SORCS1: variants seen among roughly 807,000 people sequenced by gnomAD.
The protein encoded by SORCS1 is VPS10 domain-containing receptor SorCS1.
A neutral mutation model predicts 146.1 loss-of-function variants in SORCS1; 60 were observed. The observed-to-expected ratio is 0.41, with a 90% CI of 0.33 to 0.51. SORCS1 has a LOEUF of 0.51. Among genes scored for constraint, SORCS1 ranks in the 20% least tolerant of loss-of-function variants. The probability of loss-of-function intolerance (pLI) is 0.21; values close to 1 mark genes in which losing one functional copy is unlikely to be tolerated. For synonymous variants in SORCS1, 637 were observed against 584.0 expected, an observed-to-expected ratio of 1.09 and a Z score of -1.31; for missense variants, 1,352 against 1,487.6, an observed-to-expected ratio of 0.91 and a Z score of 1.50.
chr10:106,786,314 G>C (rs538421239), intron 3 of SORCS1, among the ~76,000 whole-genome samples: 1 of 152,310 alleles, frequency 6.6e-6, no homozygotes, highest in East Asian at 1.9e-4. Context: ...GGTGGCCAGA[G>C]TTGGATATTT....
At chr10:106,746,802 C>T (rs574199702) in intron 5 of SORCS1, among the ~76,000 whole-genome samples, 1 of 152,196 alleles carries the variant, frequency 6.6e-6, no homozygotes, top group Non-Finnish European at 1.5e-5. Context: ...AAATGTGAGG[C>T]TTGTGCCTGA....
chr10:106,945,723 T>G (rs1012066052), intron 2 of SORCS1, among the ~76,000 whole-genome samples: 1 of 152,246 alleles, frequency 6.6e-6, no homozygotes, highest in African/African-American at 2.4e-5. Context: ...CTCAGGACAG[T>G]GTTTGCTTTC....
chr10:106,847,535 G>A (rs1949350399), intron 2 of SORCS1, among the ~76,000 whole-genome samples: 2 of 23,358 alleles, frequency 8.6e-5, no homozygotes, highest in Non-Finnish European at 2.0e-4. Context: ...CAAAAAACCA[G>A]CTCCTGGATT....
At chr10:106,998,634 TAAGAG>T (rs1957091868) in intron 1 of SORCS1, among the ~76,000 whole-genome samples, 1 of 152,262 alleles carries the variant, frequency 6.6e-6, no homozygotes, top group South Asian at 2.1e-4. Flanking sequence ...TTTTTTACAT[TAAGAG>T]AAGGGCAGAA....
At chr10:106,933,645 C>T (rs974987389) in intron 2 of SORCS1, among the ~76,000 whole-genome samples, 46 of 152,166 alleles carry the variant, frequency 3.0e-4, no homozygotes, top group African/African-American at 1.1e-3. Context: ...GATGCCCCCC[C>T]ACCCCCAGCT....
At chr10:106,769,769 C>T (rs1462146769) in intron 4 of SORCS1, among the ~76,000 whole-genome samples, 1 of 152,162 alleles carries the variant, frequency 6.6e-6, no homozygotes, top group Non-Finnish European at 1.5e-5. Flanking sequence ...GAAAGTCAGC[C>T]TTCATTTCTG....
chr10:107,035,325 T>C (rs1294539754), intron 1 of SORCS1, among the ~76,000 whole-genome samples: 1 of 150,332 alleles, frequency 6.7e-6, no homozygotes, highest in Non-Finnish European at 1.5e-5. Flanking sequence ...TTACGCATGG[T>C]TCTCTTTGGA....
At chr10:106,948,288 GAAA>G (rs58693047) in intron 2 of SORCS1, among the ~76,000 whole-genome samples, 4 of 148,840 alleles carry the variant, frequency 2.7e-5, no homozygotes, top group African/African-American at 9.8e-5. Flanking sequence ...ACAGTTTTTT[GAAA>G]AAAAAAAAAT....
chr10:107,075,061 A>G lies in SORCS1; in HGVS notation c.558+88908T>C, dbSNP rs74154846. On this transcript the variant is annotated intron_variant, in intron 1 of 25. Transcript: ENST00000263054. ...TCTATAAATCAGCCTCAATGATTTG[A>G]CATTTCAATAAGATACATTTGCATG... Among the ~76,000 whole-genome samples the G allele has an allele frequency of 1.3e-3, 203 of 152,310 alleles. 3 individuals carry two copies. The highest frequency in any genetic ancestry group is 4.7e-3 in the African/African-American group (194 of 41,578).
rs75282629 is a variant in SORCS1, at chr10:107,129,260, A to C, written c.558+34709T>G. The stretch of plus-strand genomic sequence containing the variant: ...CTGTCTGCTGTCATTCATTTAAAAG[A>C]GAATCTCTTGGAGGCTGACTACCTT... On this transcript the variant is annotated intron_variant, in intron 1 of 25. Transcript: ENST00000263054. 9.1e-4 allele frequency among the ~76,000 whole-genome samples: 139 copies of C among 152,344 alleles called. 2 individuals are homozygous for C. In the East Asian group the frequency reaches 0.025, roughly 28 times the overall value.
chr10:106,910,483 T>G (rs1471246184), intron 2 of SORCS1, among the ~76,000 whole-genome samples: 1 of 152,178 alleles, frequency 6.6e-6, no homozygotes. Context: ...AATGTTTGCC[T>G]TAGACAGGGG....
At chr10:106,989,311 C>T (rs1294062799) in intron 1 of SORCS1, among the ~76,000 whole-genome samples, 2 of 149,654 alleles carry the variant, frequency 1.3e-5, no homozygotes, top group East Asian at 2.0e-4. Flanking sequence ...TACTCCAATG[C>T]CTTTCCTAAA....
intron 2 of SORCS1, among the ~76,000 whole-genome samples, chr10:106,844,700 T>C (rs1377316988): frequency 2.0e-5 from 3 of 147,064 alleles, no homozygotes; most frequent in Non-Finnish European, 4.5e-5. Flanking sequence ...CATCTAGCAT[T>C]AGGTATATCT....
chr10:106,822,786 T>G (rs1331744491), intron 3 of SORCS1, among the ~76,000 whole-genome samples: 2 of 138,098 alleles, frequency 1.4e-5, no homozygotes, highest in Non-Finnish European at 3.0e-5. Flanking sequence ...TGTGTGGTTT[T>G]TTTTTTTTTT....
At chr10:106,853,744 C>G (rs553394274) in intron 2 of SORCS1, among the ~76,000 whole-genome samples, 2 of 151,784 alleles carry the variant, frequency 1.3e-5, no homozygotes, top group Non-Finnish European at 2.9e-5. Context: ...TGTTTAATCT[C>G]TGCTTATTTT....
intron 2 of SORCS1, among the ~76,000 whole-genome samples, chr10:106,869,069 G>A (rs776165305): frequency 1.3e-5 from 2 of 152,108 alleles, no homozygotes; most frequent in Non-Finnish European, 2.9e-5. Flanking sequence ...ACACCTCTAT[G>A]TATACAAACT....
At chr10:106,729,904 G>A (rs1856473264) in intron 6 of SORCS1, 146 bp downstream of exon 6, 1 of 858,278 alleles carries the variant, frequency 1.2e-6, no homozygotes, top group Admixed American at 2.4e-5. Flanking sequence ...AAAAGAAGCA[G>A]GTCACCCCTG....
chr10:106,659,446 C>T (rs1850553953), intron 17 of SORCS1, among the ~76,000 whole-genome samples: 1 of 152,180 alleles, frequency 6.6e-6, no homozygotes, highest in African/African-American at 2.4e-5. Context: ...ACAGAATCCA[C>T]TATCTGAGCC....
At chr10:106,599,320 A>G (rs1312705580) in intron 23 of SORCS1, among the ~76,000 whole-genome samples, 2 of 151,626 alleles carry the variant, frequency 1.3e-5, no homozygotes, top group African/African-American at 2.4e-5. Context: ...GTGAGCCAAG[A>G]TCATGCCACT....
Sources: allele counts gnomAD v4.1 joint callset (sites outside exome capture counted in the v4.1 genomes callset), GRCh38; gene constraint gnomAD v4.1.1; transcripts MANE v1.5; gene names NCBI Gene and HGNC (gene_info 2026-07-23, HGNC 2026-07-21).